The following CCDC7 variants were observed in gnomAD, a reference collection of about 807,000 sequenced individuals.
CCDC7 encodes coiled-coil domain containing 7.
CCDC7 carries 183 observed loss-of-function variants against 196.9 expected under a neutral mutation model. The observed-to-expected ratio is 0.93, with a 90% CI of 0.82 to 1.05. The LOEUF (loss-of-function observed/expected upper bound fraction) is 1.05, where lower values mean the gene tolerates loss of function less well. Among genes scored for constraint, CCDC7 ranks in the 50% least tolerant of loss-of-function variants. The pLI, the probability that CCDC7 is intolerant of heterozygous loss-of-function variation, is 0.00. For synonymous variants in CCDC7, 525 were observed against 484.6 expected (o/e 1.08, Z -1.10); for missense variants, 1,540 against 1,482.2 (o/e 1.04, Z -0.64).
intron 25 of CCDC7, among the ~76,000 whole-genome samples, chr10:32,724,966 C>T (rs867712442): frequency 1.1e-4 from 17 of 152,146 alleles, no homozygotes; most frequent in Admixed American, 3.9e-4. Context: ...TATGGGTGTG[C>T]CTGAAAGATC....
chr10:32,814,395 T>A (rs1440820288), exon 31 of CCDC7: 1 of 1,611,774 alleles, frequency 6.2e-7, no homozygotes, highest in South Asian at 1.1e-5. Context: ...AATTGACAGA[T>A]GCATTTGGAA....
chr10:32,872,783 C>T (rs2094475045), intron 41 of CCDC7, among the ~76,000 whole-genome samples: 1 of 152,094 alleles, frequency 6.6e-6, no homozygotes, highest in East Asian at 1.9e-4. Context: ...GATTTTATTT[C>T]TCCTTCACTT....
intron 13 of CCDC7, among the ~76,000 whole-genome samples, chr10:32,551,103 C>G (rs906444837): frequency 1.3e-5 from 2 of 152,084 alleles, no homozygotes; most frequent in Non-Finnish European, 2.9e-5. Flanking sequence ...TTCAGAGCAT[C>G]TAATTCTTCC....
chr10:32,708,409 G>A (rs555033744), intron 24 of CCDC7, among the ~76,000 whole-genome samples: 1 of 152,124 alleles, frequency 6.6e-6, no homozygotes, highest in South Asian at 2.1e-4. Flanking sequence ...TCATAGGCAT[G>A]GACAAAAACT....
intron 22 of CCDC7, among the ~76,000 whole-genome samples, chr10:32,882,461 G>A (rs377046462): frequency 3.3e-5 from 5 of 152,134 alleles, no homozygotes; most frequent in Non-Finnish European, 7.3e-5. Context: ...GTTTGAACAC[G>A]GAGGGAGTCA....
At chr10:32,856,249 A>G (rs1046531346) in intron 41 of CCDC7, among the ~76,000 whole-genome samples, 1 of 152,224 alleles carries the variant, frequency 6.6e-6, no homozygotes, top group Non-Finnish European at 1.5e-5. Context: ...TCAGTCATCA[A>G]TGGAAAATAT....
At chr10:32,829,722 G>C (rs768850772) in intron 32 of CCDC7, among the ~76,000 whole-genome samples, 1 of 152,040 alleles carries the variant, frequency 6.6e-6, no homozygotes, top group East Asian at 1.9e-4. Flanking sequence ...TTAATACTGA[G>C]TGTTAACTTG....
At chr10:32,875,099 C>T (rs761240885) in intron 41 of CCDC7, among the ~76,000 whole-genome samples, 2 of 151,906 alleles carry the variant, frequency 1.3e-5, no homozygotes, top group Non-Finnish European at 2.9e-5. Flanking sequence ...GATCATTTGG[C>T]TGAAGTATTT....
At chr10:32,700,770 C>G (rs946913130) in intron 24 of CCDC7, among the ~76,000 whole-genome samples, 10 of 152,196 alleles carry the variant, frequency 6.6e-5, no homozygotes, top group African/African-American at 1.9e-4. Context: ...AGGTCCTTCA[C>G]ATCCCTTGTA....
intron 24 of CCDC7, among the ~76,000 whole-genome samples, chr10:32,711,042 T>C (rs759290689): frequency 6.6e-6 from 1 of 152,140 alleles, no homozygotes; most frequent in Non-Finnish European, 1.5e-5. Flanking sequence ...TACCATATCA[T>C]AAACCATATA....
chr10:32,472,647 T>C, intron 7 of CCDC7, 105 bp downstream of exon 8: 1 of 1,042,270 alleles, frequency 9.6e-7, no homozygotes, highest in Non-Finnish European at 1.3e-6. Context: ...CATGCTGGAG[T>C]GTAGTGGCAT....
chr10:32,689,287 A>G (rs954366940), intron 23 of CCDC7, 124 bp downstream of exon 24: 1 of 614,750 alleles, frequency 1.6e-6, no homozygotes, highest in Non-Finnish European at 2.8e-6. Context: ...CCATAATTAA[A>G]GAAAAAAGTG....
intron 23 of CCDC7, among the ~76,000 whole-genome samples, chr10:32,690,515 GGT>G (rs1353561815): frequency 6.6e-6 from 1 of 152,118 alleles, no homozygotes; most frequent in African/African-American, 2.4e-5. Context: ...TTGTGTCTTT[GGT>G]GGCCAGGGCT....
intron 18 of CCDC7, chr10:32,623,805 G>C (rs747264354): frequency 1.3e-5 from 6 of 470,252 alleles, no homozygotes; most frequent in South Asian, 7.8e-5. Context: ...AGTGGGAGCA[G>C]ATATGTCACA....
rs1402164976 is a variant in CCDC7 at position 32,486,441 on chromosome 10, G to C, written c.797-5481G>C. Among the ~76,000 whole-genome samples, 17 of 151,248 alleles carry C rather than the reference G, an allele frequency of 1.1e-4. No homozygotes were observed. In the East Asian group the frequency reaches 1.6e-3, roughly 14 times the overall value. On this transcript the variant is annotated intron_variant, in intron 8 of 41. Transcript: ENST00000639629. Reference sequence around the variant, plus strand: ...AATACAGCACACTGATGGGTCTTGAGTCTTTATCCAATTTGCCAGTCTGTG... The same window carrying C: ...AATACAGCACACTGATGGGTCTTGACTCTTTATCCAATTTGCCAGTCTGTG...
intron 41 of CCDC7, among the ~76,000 whole-genome samples, chr10:32,860,068 C>T (rs1345212262): frequency 6.6e-6 from 1 of 152,128 alleles, no homozygotes; most frequent in African/African-American, 2.4e-5. Flanking sequence ...TTTTATGAGG[C>T]CAGCATCATC....
At chr10:32,631,205 G>A (rs1243860308) in intron 18 of CCDC7, among the ~76,000 whole-genome samples, 3 of 152,144 alleles carry the variant, frequency 2.0e-5, no homozygotes, top group East Asian at 3.9e-4. Flanking sequence ...TGTGCTTTTG[G>A]TGTCATATCC....
chr10:32,844,270 A>G (rs1019364732), intron 33 of CCDC7, among the ~76,000 whole-genome samples: 1 of 151,990 alleles, frequency 6.6e-6, no homozygotes. Flanking sequence ...AAGGAATGCA[A>G]TCTCAATGCT....
chr10:32,446,260 C>G (rs2030944587), exon 1 of CCDC7: 1 of 152,260 alleles, frequency 6.6e-6, no homozygotes, highest in Admixed American at 6.5e-5. Flanking sequence ...GTGCTGGAGT[C>G]TGAGGAGTTT....
Sources: gnomAD v4.1 joint callset for allele counts (sites outside exome capture counted in the v4.1 genomes callset) on GRCh38, gnomAD v4.1.1 for gene constraint, MANE v1.5 for transcripts, NCBI Gene and HGNC (gene_info 2026-07-23, HGNC 2026-07-21) for gene names.